EGFR: variants seen among roughly 807,000 people sequenced by gnomAD.
EGFR encodes avian erythroblastic leukemia viral (v-erb-b) oncogene homolog.
A neutral mutation model predicts 143.0 loss-of-function variants in EGFR; 58 were observed. The observed-to-expected ratio is 0.41, with a 90% CI of 0.33 to 0.50. EGFR has a LOEUF of 0.50. Among genes scored for constraint, EGFR ranks in the 20% least tolerant of loss-of-function variants. The pLI, the probability that EGFR is intolerant of heterozygous loss-of-function variation, is 0.39. For synonymous variants in EGFR, 613 were observed against 594.4 expected, an observed-to-expected ratio of 1.03 and a Z score of -0.45; for missense variants, 1,307 against 1,579.0, an observed-to-expected ratio of 0.83 and a Z score of 2.92.
At chr7:55,091,603 C>T (rs1447203174) in intron 1 of EGFR, among the ~76,000 whole-genome samples, 29 of 152,124 alleles carry the variant, frequency 1.9e-4, no homozygotes, top group Non-Finnish European at 1.5e-5. Flanking sequence ...AATGTCATGT[C>T]GAAGCTATTG....
chr7:55,170,566 G>T (rs775222124), intron 15 of EGFR: 5 of 1,612,012 alleles, frequency 3.1e-6, no homozygotes, highest in Non-Finnish European at 4.2e-6. Flanking sequence ...TCACGTGTCT[G>T]TTCCCCCCGC....
intron 20 of EGFR, among the ~76,000 whole-genome samples, chr7:55,184,474 AAATT>A (rs1373236976): frequency 6.6e-6 from 1 of 152,186 alleles, no homozygotes; most frequent in Non-Finnish European, 1.5e-5. Context: ...TTGACCCCAA[AAATT>A]AGCCTTCTAC....
chr7:55,203,061 T>G, intron 27 of EGFR: 1 of 301,102 alleles, frequency 3.3e-6, no homozygotes, highest in Non-Finnish European at 6.1e-6. Flanking sequence ...TTAATAAATT[T>G]TAAGCTTTAT....
intron 6 of EGFR, 83 bp downstream of exon 6, chr7:55,152,747 G>A: frequency 1.7e-6 from 2 of 1,151,000 alleles, no homozygotes; most frequent in Non-Finnish European, 1.3e-6. Context: ...GACTTCCTGT[G>A]GGGGAGCTGT....
intron 1 of EGFR, among the ~76,000 whole-genome samples, chr7:55,061,649 T>TGTGTGTGTGAGA (rs1432070752): frequency 0.015 from 2,040 of 132,696 alleles, 33 homozygotes; most frequent in Non-Finnish European, 0.022. Flanking sequence ...TGTGTGTGTG[T>TGTGTGTGTGAGA]GAGAGAGAGA....
In EGFR at chr7:55,191,792, C is replaced by A. The variant is rs148934350; in HGVS notation, c.2543C>A (p.Pro848Gln). The part of the protein sequence containing the change: ...LAARNVLVKT[P>Q]QHVKITDFGL... ...GCCAGGAACGTACTGGTGAAAACAC[C>A]GCAGCATGTCAAGATCACAGATTTT... The change falls in exon 21 of 28, where the codon CCG becomes CAG. Residue 848 changes from proline to glutamine, a missense_variant. This residue lies in a region of EGFR where 348 missense variants were observed against 451.5 expected (regional missense o/e 0.77). Transcript: ENST00000275493. 3.7e-6 allele frequency: 6 copies of A among 1,614,042 alleles called. No homozygotes were observed. The highest frequency in any genetic ancestry group is 3.3e-5 in the South Asian group (3 of 91,076).
chr7:55,110,577 A>G (rs1005520717), intron 1 of EGFR, among the ~76,000 whole-genome samples: 2 of 152,232 alleles, frequency 1.3e-5, no homozygotes, highest in African/African-American at 4.8e-5. Context: ...TTATAGCTCA[A>G]TTAGCATGTG....
chr7:55,203,360 C>A (rs1019384319), intron 27 of EGFR, among the ~76,000 whole-genome samples: 1 of 148,762 alleles, frequency 6.7e-6, no homozygotes, highest in African/African-American at 2.5e-5. Context: ...CACACATACA[C>A]CATGCATACA....
intron 1 of EGFR, among the ~76,000 whole-genome samples, chr7:55,137,107 T>A (rs970820554): frequency 6.6e-6 from 1 of 152,138 alleles, no homozygotes; most frequent in Non-Finnish European, 1.5e-5. Context: ...ACAGATGTAA[T>A]GGTGGGTACT....
intron 1 of EGFR, among the ~76,000 whole-genome samples, chr7:55,132,881 C>T (rs1249227247): frequency 6.6e-6 from 1 of 152,216 alleles, no homozygotes; most frequent in Non-Finnish European, 1.5e-5. Flanking sequence ...AACTTTGGTG[C>T]CTGGTGTGCA....
chr7:55,200,266 C>G (rs2128969686), intron 23 of EGFR, 50 bp from the exon 24 acceptor site: 1 of 1,534,452 alleles, frequency 6.5e-7, no homozygotes, highest in African/African-American at 1.4e-5. Flanking sequence ...CCATCTTTAT[C>G]ATTTCTTCCA....
In EGFR at chr7:55,151,277, T is replaced by C. The variant is rs2128932402; in HGVS notation, c.560-17T>C. On this transcript the variant is annotated splice_polypyrimidine_tract_variant and intron_variant, in intron 4 of 27. Coordinates refer to ENST00000275493, the MANE Select transcript of EGFR (RefSeq NM_005228.5). ...ATCATTTCACTGAGATATGCATCTA[T>C]TACTTTTACATTTCAGGCCAAAAGT... 1.2e-6 allele frequency: 2 copies of C among 1,613,938 alleles called. No homozygotes were observed. The highest frequency in any genetic ancestry group is 1.7e-6 in the Non-Finnish European group (2 of 1,179,814).
intron 21 of EGFR, 89 bp from the exon 22 acceptor site, chr7:55,192,677 C>A: frequency 8.3e-7 from 1 of 1,206,512 alleles, no homozygotes; most frequent in South Asian, 1.2e-5. Context: ...CTGTGTGTGT[C>A]ACTCGTAATT....
rs114681934 is a variant in EGFR, at chr7:55,048,919, C to A, written c.88+29554C>A. 4.1e-3 allele frequency among the ~76,000 whole-genome samples: 621 copies of A among 152,218 alleles called. 4 individuals are homozygous for A. Among genetic ancestry groups the A allele is most frequent in the African/African-American group, 0.012 (508 of 41,524 alleles). ...TGATGGCTCTAAAAGGGTAACAGAG[C>A]CCAACTAGCTCAGTTCTCAGCATGA... On this transcript the variant is annotated intron_variant, in intron 1 of 27. Transcript: ENST00000275493.
At chr7:55,182,324 A>AGG (rs1284547628) in intron 20 of EGFR, 1 of 152,556 alleles carries the variant, frequency 6.6e-6, no homozygotes, top group African/African-American at 2.4e-5. Flanking sequence ...GGGGGTCCAG[A>AGG]GATGTGCCAG....
At chr7:55,040,436 C>A (rs1168420416) in intron 1 of EGFR, among the ~76,000 whole-genome samples, 1 of 152,150 alleles carries the variant, frequency 6.6e-6, no homozygotes, top group African/African-American at 2.4e-5. Flanking sequence ...CTGGAAAATT[C>A]TTTCCATTAG....
intron 27 of EGFR, among the ~76,000 whole-genome samples, chr7:55,204,581 CACACCACACAT>C (rs1307155505): frequency 1.4e-5 from 2 of 143,820 alleles, no homozygotes; most frequent in Non-Finnish European, 3.0e-5. Flanking sequence ...ACACCACACA[CACACCACACAT>C]ACACACACGT....
At chr7:55,132,631 G>A (rs1187011820) in intron 1 of EGFR, among the ~76,000 whole-genome samples, 1 of 152,074 alleles carries the variant, frequency 6.6e-6, no homozygotes, top group Non-Finnish European at 1.5e-5. Context: ...GAGGAATATT[G>A]GTGCTTTCGT....
intron 1 of EGFR, among the ~76,000 whole-genome samples, chr7:55,101,352 C>T (rs1051090542): frequency 8.5e-5 from 13 of 152,234 alleles, no homozygotes; most frequent in Admixed American, 5.9e-4. Flanking sequence ...AGTTCTGCTC[C>T]AGCATTTCCC....
Sources: gnomAD v4.1 joint callset for allele counts (sites outside exome capture counted in the v4.1 genomes callset) on GRCh38, gnomAD v4.1.1 for gene constraint, gnomAD v4.1.1 regional missense constraint, MANE v1.5 for transcripts, NCBI Gene and HGNC (gene_info 2026-07-23, HGNC 2026-07-21) for gene names.